The following WWOX variants were observed in gnomAD, a reference collection of about 807,000 sequenced individuals.
WWOX encodes WW domain containing oxidoreductase.
In WWOX, 69 loss-of-function variants were observed where a neutral mutation model predicts 46.2. The ratio of observed to expected loss-of-function variants is 1.49; its 90% CI spans 1.23 to 1.82. The LOEUF (loss-of-function observed/expected upper bound fraction) is 1.82. Among genes scored for constraint, WWOX ranks in the 40% most tolerant of loss-of-function variants. WWOX has a pLI of 0.00. For missense variants in WWOX, 919 were observed against 542.6 expected (o/e 1.69, Z -6.89); for synonymous variants, 359 against 202.6 (o/e 1.77, Z -6.56).
intron 8 of WWOX, among the ~76,000 whole-genome samples, chr16:79,100,601 G>C (rs1055514487): frequency 7.2e-5 from 11 of 152,092 alleles, no homozygotes; most frequent in Non-Finnish European, 1.5e-4. Context: ...AGCCTCACCC[G>C]TGTCTCTTAA....
At chr16:78,802,443 G>A (rs1459605803) in intron 8 of WWOX, among the ~76,000 whole-genome samples, 1 of 151,914 alleles carries the variant, frequency 6.6e-6, no homozygotes, top group Non-Finnish European at 1.5e-5. Flanking sequence ...AGTTGTTTAT[G>A]GAAGGCTTTG....
intron 5 of WWOX, among the ~76,000 whole-genome samples, chr16:78,303,816 A>G (rs1445426615): frequency 2.6e-5 from 4 of 152,074 alleles, no homozygotes; most frequent in African/African-American, 9.7e-5. Flanking sequence ...AAGTGCTGGG[A>G]TTACAGGTGT....
At chr16:78,385,725 A>T (rs1483839051) in intron 5 of WWOX, among the ~76,000 whole-genome samples, 1 of 152,164 alleles carries the variant, frequency 6.6e-6, no homozygotes, top group South Asian at 2.1e-4. Flanking sequence ...TACAGGTATC[A>T]TGTTATCCTC....
At chr16:78,794,468 C>T (rs2050687130) in intron 8 of WWOX, among the ~76,000 whole-genome samples, 1 of 152,164 alleles carries the variant, frequency 6.6e-6, no homozygotes, top group African/African-American at 2.4e-5. Context: ...ATGACAAATC[C>T]TTCCATCTAT....
intron 8 of WWOX, among the ~76,000 whole-genome samples, chr16:78,937,405 G>A (rs1159978997): frequency 1.3e-5 from 2 of 148,868 alleles, no homozygotes; most frequent in Non-Finnish European, 3.0e-5. Context: ...GTAAATTATG[G>A]AGGTGCTAAA....
At chr16:78,877,085 G>C (rs1237000634) in intron 8 of WWOX, among the ~76,000 whole-genome samples, 1 of 152,106 alleles carries the variant, frequency 6.6e-6, no homozygotes, top group Non-Finnish European at 1.5e-5. Flanking sequence ...GCCCTGCCAG[G>C]TCAGTGGGTT....
intron 5 of WWOX, among the ~76,000 whole-genome samples, chr16:78,182,110 C>T (rs995706175): frequency 1.3e-5 from 2 of 152,162 alleles, no homozygotes; most frequent in Non-Finnish European, 2.9e-5. Flanking sequence ...CGGTTTATGC[C>T]ACTTGCGAAA....
chr16:78,569,498 G>T (rs1036883556), intron 8 of WWOX, among the ~76,000 whole-genome samples: 5 of 152,162 alleles, frequency 3.3e-5, no homozygotes, highest in African/African-American at 1.2e-4. Context: ...GATTCTTTTC[G>T]TAACTGCAAT....
intron 8 of WWOX, among the ~76,000 whole-genome samples, chr16:78,726,266 C>A (rs1026202023): frequency 6.6e-6 from 1 of 151,040 alleles, no homozygotes; most frequent in Admixed American, 6.6e-5. Flanking sequence ...GCTCTGTCAC[C>A]CAGGTTACAG....
intron 5 of WWOX, among the ~76,000 whole-genome samples, chr16:78,326,448 A>G (rs1013018490): frequency 1.3e-5 from 2 of 151,948 alleles, no homozygotes; most frequent in African/African-American, 2.4e-5. Flanking sequence ...GAACGTTGTT[A>G]TCGCGCAAAG....
intron 8 of WWOX, among the ~76,000 whole-genome samples, chr16:79,111,511 A>G (rs542222879): frequency 4.9e-4 from 74 of 152,348 alleles, no homozygotes; most frequent in Non-Finnish European, 7.1e-4. Flanking sequence ...TTTTAAATTC[A>G]TAATGAATAG....
intron 8 of WWOX, among the ~76,000 whole-genome samples, chr16:79,023,100 C>T (rs565128794): frequency 1.7e-4 from 26 of 151,832 alleles, no homozygotes; most frequent in Admixed American, 1.3e-3. Context: ...CAATCATGTT[C>T]AAGTCTGTAT....
intron 8 of WWOX, among the ~76,000 whole-genome samples, chr16:79,035,015 T>C (rs2047838077): frequency 6.6e-6 from 1 of 152,244 alleles, no homozygotes; most frequent in Non-Finnish European, 1.5e-5. Context: ...GTTAATAATA[T>C]TGCTGACTCT....
At chr16:78,756,844 G>C (rs199617376) in intron 8 of WWOX, 1 of 689,226 alleles carries the variant, frequency 1.5e-6, no homozygotes, top group African/African-American at 1.8e-5. Context: ...CTGTATAATC[G>C]ATAGGGTATT....
intron 8 of WWOX, among the ~76,000 whole-genome samples, chr16:79,043,803 C>A (rs993624353): frequency 3.3e-5 from 5 of 152,140 alleles, no homozygotes; most frequent in Admixed American, 6.5e-5. Context: ...GATCTCTTCT[C>A]TGCTAGCTTT....
At chr16:78,555,826 T>A (rs1473623033) in intron 8 of WWOX, among the ~76,000 whole-genome samples, 1 of 152,062 alleles carries the variant, frequency 6.6e-6, no homozygotes, top group Non-Finnish European at 1.5e-5. Context: ...GCCATGCCAA[T>A]AAGAAAAATG....
chr16:79,013,098 G>C (rs539508548), intron 8 of WWOX, among the ~76,000 whole-genome samples: 25 of 152,302 alleles, frequency 1.6e-4, no homozygotes, highest in African/African-American at 5.5e-4. Flanking sequence ...CCAGTGAGCA[G>C]GAAGTTGGTG....
intron 8 of WWOX, among the ~76,000 whole-genome samples, chr16:79,055,284 A>C (rs904227260): frequency 6.6e-6 from 1 of 152,178 alleles, no homozygotes; most frequent in African/African-American, 2.4e-5. Context: ...TGCTGAGTTC[A>C]CATTGTGATA....
At chr16:78,938,036 G>T (rs1482744278) in intron 8 of WWOX, among the ~76,000 whole-genome samples, 1 of 152,172 alleles carries the variant, frequency 6.6e-6, no homozygotes, top group African/African-American at 2.4e-5. Context: ...CCGTCCTATG[G>T]GGAGATAGGT....
Sources: gnomAD v4.1 joint callset for allele counts (sites outside exome capture counted in the v4.1 genomes callset) on GRCh38, gnomAD v4.1.1 for gene constraint, MANE v1.5 for transcripts, NCBI Gene and HGNC (gene_info 2026-07-23, HGNC 2026-07-21) for gene names.